TBC1D22A: variants seen among roughly 807,000 people sequenced by gnomAD.
TBC1D22A encodes the protein putative GTPase activator.
TBC1D22A carries 38 observed loss-of-function variants against 60.2 expected under a neutral mutation model. The observed-to-expected ratio is 0.63, with a 90% CI of 0.49 to 0.83. TBC1D22A has a LOEUF of 0.83. Ranked by LOEUF, TBC1D22A falls within the 40% of genes least tolerant of loss-of-function variation. The probability of loss-of-function intolerance (pLI) is 0.00; values close to 1 mark genes in which losing one functional copy is unlikely to be tolerated. For missense variants in TBC1D22A, 628 were observed against 701.0 expected, an observed-to-expected ratio of 0.90 and a Z score of 1.18; for synonymous variants, 302 against 281.7, an observed-to-expected ratio of 1.07 and a Z score of -0.72.
intron 8 of TBC1D22A, among the ~76,000 whole-genome samples, chr22:46,941,239 T>TCACA (rs1569247417): frequency 2.2e-3 from 164 of 73,468 alleles, no homozygotes; most frequent in African/African-American, 9.4e-3. Context: ...ACACACACAG[T>TCACA]CCACCCTTGA....
At chr22:47,073,226 T>C (rs976560992) in intron 11 of TBC1D22A, among the ~76,000 whole-genome samples, 2 of 152,222 alleles carry the variant, frequency 1.3e-5, no homozygotes, top group African/African-American at 4.8e-5. Context: ...GAGGAAATCG[T>C]GTACTTTGTG....
intron 11 of TBC1D22A, among the ~76,000 whole-genome samples, chr22:47,085,900 C>T (rs540823775): frequency 5.9e-5 from 9 of 152,344 alleles, no homozygotes; most frequent in African/African-American, 1.9e-4. Flanking sequence ...TTCATGCACA[C>T]AGATGCACTT....
chr22:46,909,847 C>T (rs977322575), intron 7 of TBC1D22A, among the ~76,000 whole-genome samples: 1 of 152,224 alleles, frequency 6.6e-6, no homozygotes, highest in African/African-American at 2.4e-5. Context: ...GGGCTTGCTT[C>T]ACGCCCTAGG....
Position 46,968,852 on chromosome 22 carries a change from C to CAGGGAA in TBC1D22A, c.1016-5438_1016-5437insAGGGAA, listed in dbSNP as rs2073935972. Among the ~76,000 whole-genome samples the CAGGGAA allele has an allele frequency of 2.0e-5, 3 of 152,348 alleles. No homozygotes were observed. In the East Asian group the frequency reaches 5.8e-4, roughly 29 times the overall value. On this transcript the variant is annotated intron_variant, in intron 8 of 12. Transcript: ENST00000337137. ...CAATTATGTCTCCATGTGGTTTTCTCCTGACCAAGCTAAATATCCTCCATT... is the reference window on the plus strand; with the variant it reads ...CAATTATGTCTCCATGTGGTTTTCTCAGGGAACTGACCAAGCTAAATATCCTCCATT...
At chr22:47,066,293 C>T (rs550196909) in intron 11 of TBC1D22A, among the ~76,000 whole-genome samples, 4 of 152,194 alleles carry the variant, frequency 2.6e-5, no homozygotes, top group Non-Finnish European at 5.9e-5. Flanking sequence ...TGTGGTGCTG[C>T]CTGAATCCTG....
chr22:46,978,417 G>A (rs769684316), intron 9 of TBC1D22A, among the ~76,000 whole-genome samples: 2 of 151,916 alleles, frequency 1.3e-5, no homozygotes, highest in African/African-American at 4.8e-5. Context: ...ACTATTTTTC[G>A]AAACAAAAAT....
intron 11 of TBC1D22A, among the ~76,000 whole-genome samples, chr22:47,084,554 G>T (rs1268512685): frequency 6.6e-6 from 1 of 152,174 alleles, no homozygotes; most frequent in African/African-American, 2.4e-5. Flanking sequence ...GCTCTAGGGG[G>T]ACTCTTGAAA....
At chr22:47,078,770 A>G (rs1323024284) in intron 11 of TBC1D22A, among the ~76,000 whole-genome samples, 2 of 152,198 alleles carry the variant, frequency 1.3e-5, no homozygotes, top group East Asian at 3.8e-4. Flanking sequence ...TCCATTATTA[A>G]TTGGTTCTAG....
intron 9 of TBC1D22A, among the ~76,000 whole-genome samples, chr22:46,987,365 C>G (rs915946847): frequency 2.6e-5 from 4 of 152,076 alleles, no homozygotes; most frequent in African/African-American, 9.7e-5. Context: ...CTTATTATTG[C>G]TAGGAGCTTG....
chr22:47,158,165 C>G (rs1176010016), intron 12 of TBC1D22A, among the ~76,000 whole-genome samples: 2 of 152,206 alleles, frequency 1.3e-5, no homozygotes, highest in Admixed American at 6.5e-5. Flanking sequence ...CCCAGCCCCT[C>G]CCTGACCTGG....
chr22:47,133,215 T>G (rs1759810381), intron 12 of TBC1D22A, among the ~76,000 whole-genome samples: 1 of 152,260 alleles, frequency 6.6e-6, no homozygotes, highest in African/African-American at 2.4e-5. Flanking sequence ...CAGGGACATC[T>G]TAGAAACCAT....
chr22:47,137,983 CCT>C lies in TBC1D22A; in HGVS notation c.1425+26384_1425+26385del, dbSNP rs368433786. Among the ~76,000 whole-genome samples the C allele has an allele frequency of 6.6e-5, 10 of 152,302 alleles. No homozygotes were observed. In the East Asian group the frequency reaches 1.7e-3, roughly 26 times the overall value. Reference sequence around the variant, plus strand: ...CATCCGTGTGATGTTACTGGCACCCCCTCTCAGAGTTGTTGCAAATGCCGGAG... The same window carrying C: ...CATCCGTGTGATGTTACTGGCACCCCCTCAGAGTTGTTGCAAATGCCGGAG... On this transcript the variant is annotated intron_variant, in intron 12 of 12. Coordinates refer to ENST00000337137, the MANE Select transcript of TBC1D22A (RefSeq NM_014346.5).
chr22:47,022,165 CAA>C (rs1229933658), intron 10 of TBC1D22A, among the ~76,000 whole-genome samples: 2 of 152,208 alleles, frequency 1.3e-5, no homozygotes, highest in African/African-American at 2.4e-5. Context: ...GATCTCCAAA[CAA>C]AGATGCTTTC....
At position 46,783,671 on chromosome 22, in the gene TBC1D22A, A is replaced by G. The variant is rs551288310; in HGVS notation, c.63-8849A>G. Among the ~76,000 whole-genome samples, 73 of 152,286 alleles carry G rather than the reference A, an allele frequency of 4.8e-4. 1 individual carries two copies. In the South Asian group the frequency reaches 0.011, roughly 23 times the overall value. On this transcript the variant is annotated intron_variant, in intron 1 of 12. Transcript: ENST00000337137. ...TTAAAAAATTTTTTTAAAGGATGCC[A>G]CACTGTCAACTTGCTCTCCTCTTCA...
intron 8 of TBC1D22A, among the ~76,000 whole-genome samples, chr22:46,960,365 G>T (rs1006137738): frequency 6.6e-6 from 1 of 152,018 alleles, no homozygotes; most frequent in African/African-American, 2.4e-5. Flanking sequence ...GGGTTCAAGC[G>T]ATTCTTCTGC....
chr22:47,022,618 T>A (rs1272355220), intron 10 of TBC1D22A, among the ~76,000 whole-genome samples: 1 of 151,674 alleles, frequency 6.6e-6, no homozygotes, highest in Non-Finnish European at 1.5e-5. Context: ...TTTCAGGTAT[T>A]AAGCTGAATA....
intron 11 of TBC1D22A, among the ~76,000 whole-genome samples, chr22:47,098,265 C>T (rs1408160113): frequency 6.6e-6 from 1 of 152,178 alleles, no homozygotes; most frequent in South Asian, 2.1e-4. Flanking sequence ...ACCTCCAGAA[C>T]CCCCTGTCCC....
At chr22:46,790,944 A>C (rs1453994705) in intron 1 of TBC1D22A, among the ~76,000 whole-genome samples, 1 of 152,218 alleles carries the variant, frequency 6.6e-6, no homozygotes, top group South Asian at 2.1e-4. Flanking sequence ...TTTTTTAGAG[A>C]CAGGGTCTTA....
chr22:47,013,186 T>A (rs11090919), intron 10 of TBC1D22A, among the ~76,000 whole-genome samples: 5,059 of 152,268 alleles, frequency 0.033, 240 homozygotes, highest in African/African-American at 0.11. Context: ...AACAGCCAAA[T>A]TGCGGTTAGC....
Sources: allele counts gnomAD v4.1 joint callset (sites outside exome capture counted in the v4.1 genomes callset), GRCh38; gene constraint gnomAD v4.1.1; transcripts MANE v1.5; gene names NCBI Gene and HGNC (gene_info 2026-07-23, HGNC 2026-07-21).